Variants in CCDC30 observed in about 807,000 individuals in gnomAD.
CCDC30 encodes coiled-coil domain-containing protein 30.
In CCDC30, 70 loss-of-function variants were observed where a neutral mutation model predicts 100.2. That is an observed-to-expected ratio of 0.70 (90% CI 0.58 to 0.85). The LOEUF (loss-of-function observed/expected upper bound fraction) is 0.85, where lower values mean the gene tolerates loss of function less well. CCDC30 is among the 40% of genes least tolerant of loss of function. CCDC30 has a pLI of 0.00. For synonymous variants in CCDC30, 233 were observed against 269.5 expected, an observed-to-expected ratio of 0.86 and a Z score of 1.33; for missense variants, 652 against 771.2, an observed-to-expected ratio of 0.85 and a Z score of 1.83.
At chr1:42,553,137 C>T (rs974228313) in intron 6 of CCDC30, among the ~76,000 whole-genome samples, 16 of 152,038 alleles carry the variant, frequency 1.1e-4, no homozygotes, top group Non-Finnish European at 2.2e-4. Flanking sequence ...GTGTTTCTTC[C>T]TTGGCCTTTT....
At chr1:42,526,655 AT>A (rs1000523154) in intron 6 of CCDC30, among the ~76,000 whole-genome samples, 1 of 151,922 alleles carries the variant, frequency 6.6e-6, no homozygotes, top group East Asian at 1.9e-4. Flanking sequence ...TTTAAAATCA[AT>A]TTTTTTTATT....
chr1:42,488,321 T>C (rs1410429891), intron 3 of CCDC30, among the ~76,000 whole-genome samples: 1 of 152,138 alleles, frequency 6.6e-6, no homozygotes, highest in Non-Finnish European at 1.5e-5. Flanking sequence ...TTTCTTTTTT[T>C]TCTTTCTTTT....
chr1:42,524,419 A>AG (rs1465026909), intron 6 of CCDC30, among the ~76,000 whole-genome samples: 1 of 152,150 alleles, frequency 6.6e-6, no homozygotes, highest in Non-Finnish European at 1.5e-5. Flanking sequence ...GCTTCCAAAA[A>AG]GGGAAAAAGA....
intron 6 of CCDC30, among the ~76,000 whole-genome samples, chr1:42,553,914 G>A (rs1645311414): frequency 6.6e-6 from 1 of 151,902 alleles, no homozygotes; most frequent in Non-Finnish European, 1.5e-5. Flanking sequence ...TAGTATTAGA[G>A]GAATTTTAAA....
intron 13 of CCDC30, among the ~76,000 whole-genome samples, chr1:42,644,144 A>C (rs960767132): frequency 6.6e-6 from 1 of 152,192 alleles, no homozygotes. Context: ...GAGTATATAC[A>C]TATATATAAA....
chr1:42,646,666 C>T (rs1213524331), intron 15 of CCDC30, among the ~76,000 whole-genome samples: 1 of 152,204 alleles, frequency 6.6e-6, no homozygotes, highest in African/African-American at 2.4e-5. Flanking sequence ...GCATGAGCCC[C>T]TAGACAGCCT....
intron 6 of CCDC30, among the ~76,000 whole-genome samples, chr1:42,508,381 G>A (rs947202138): frequency 1.3e-5 from 2 of 152,140 alleles, no homozygotes; most frequent in Non-Finnish European, 1.5e-5. Context: ...TTAATTTGGG[G>A]TGGGGATGTT....
chr1:42,528,301 C>T (rs1326480614), intron 6 of CCDC30, among the ~76,000 whole-genome samples: 1 of 152,220 alleles, frequency 6.6e-6, no homozygotes, highest in Non-Finnish European at 1.5e-5. Context: ...ATGGCTTAAA[C>T]TCTGACTTCT....
At chr1:42,636,965 CAAAA>C (rs1166253995) in intron 11 of CCDC30, among the ~76,000 whole-genome samples, 322 of 29,484 alleles carry the variant, frequency 0.011, 2 homozygotes, top group African/African-American at 0.032. Context: ...GACTCCATCT[CAAAA>C]AAAAAAAAAA....
At chr1:42,461,932 G>A (rs1157118170), upstream of CCDC30, among the ~76,000 whole-genome samples, 1 of 152,214 alleles carries the variant, frequency 6.6e-6, no homozygotes, top group Non-Finnish European at 1.5e-5. Flanking sequence ...AGTGGCTGCA[G>A]TACTGAAGGG....
At chr1:42,641,215 T>G (rs924260885) in intron 12 of CCDC30, among the ~76,000 whole-genome samples, 5 of 132,358 alleles carry the variant, frequency 3.8e-5, no homozygotes, top group African/African-American at 8.5e-5. Context: ...CACATGGCTT[T>G]TGTGTGTGTG....
At chr1:42,645,815 A>T (rs955771325) in intron 14 of CCDC30, among the ~76,000 whole-genome samples, 16 of 152,188 alleles carry the variant, frequency 1.1e-4, no homozygotes, top group Admixed American at 2.6e-4. Flanking sequence ...ATACTTATCA[A>T]TTCCAGGAAA....
chr1:42,462,524 G>T (rs1358544502), upstream of CCDC30, among the ~76,000 whole-genome samples: 2 of 152,178 alleles, frequency 1.3e-5, no homozygotes, highest in East Asian at 1.9e-4. Flanking sequence ...AAAAATTTGT[G>T]AAGTATTCTC....
intron 15 of CCDC30, among the ~76,000 whole-genome samples, chr1:42,650,468 A>G (rs1336618406): frequency 6.6e-6 from 1 of 150,932 alleles, no homozygotes; most frequent in Non-Finnish European, 1.5e-5. Flanking sequence ...CCTGGGTAAC[A>G]GAACAAGACC....
chr1:42,634,249 C>CAAAAAAAAAAAA (rs754829759), intron 11 of CCDC30, among the ~76,000 whole-genome samples: 1 of 115,318 alleles, frequency 8.7e-6, no homozygotes, highest in Non-Finnish European at 1.8e-5. Flanking sequence ...AAGACTGTCT[C>CAAAAAAAAAAAA]AAAAAAAAAA....
chr1:42,531,879 AT>A (rs1284489750), intron 6 of CCDC30, among the ~76,000 whole-genome samples: 1 of 152,204 alleles, frequency 6.6e-6, no homozygotes, highest in Non-Finnish European at 1.5e-5. Context: ...GACATAACTT[AT>A]TTTAACAGAA....
intron 6 of CCDC30, among the ~76,000 whole-genome samples, chr1:42,517,341 C>T (rs918449125): frequency 1.3e-5 from 2 of 152,158 alleles, no homozygotes; most frequent in African/African-American, 4.8e-5. Flanking sequence ...CCTTGGCCTC[C>T]CAAAGTGGTA....
intron 6 of CCDC30, among the ~76,000 whole-genome samples, chr1:42,549,476 CA>C (rs147892229): frequency 0.14 from 20,622 of 152,068 alleles, 1,536 homozygotes; most frequent in East Asian, 0.17. Context: ...ACAAATATCG[CA>C]AGGGCAAGAA....
intron 10 of CCDC30, chr1:42,590,759 T>C (rs1646170721): frequency 6.6e-6 from 1 of 151,632 alleles, no homozygotes; most frequent in Non-Finnish European, 1.5e-5. Context: ...GGATGAAAGT[T>C]TGTAACTTCT....
Sources: gnomAD v4.1 joint callset for allele counts (sites outside exome capture counted in the v4.1 genomes callset) on GRCh38, gnomAD v4.1.1 for gene constraint, MANE v1.5 for transcripts, NCBI Gene and HGNC (gene_info 2026-07-23, HGNC 2026-07-21) for gene names.